ZIC3: variants seen among roughly 807,000 people sequenced by gnomAD.
ZIC3 encodes Zic family zinc finger 3, also known as zinc finger protein ZIC 3.
A neutral mutation model predicts 18.3 loss-of-function variants in ZIC3; 6 were observed. The observed-to-expected ratio is 0.33, with a 90% confidence interval of 0.18 to 0.65. ZIC3 has a LOEUF of 0.65. Among genes scored for constraint, ZIC3 ranks in the 30% least tolerant of loss-of-function variants. ZIC3 has a pLI of 0.75. For missense variants in ZIC3, 260 were observed against 410.0 expected (o/e 0.63, Z 3.16); for synonymous variants, 175 against 177.0 (o/e 0.99, Z 0.09).
rs1302873601 is a variant in ZIC3 at position 137,567,132 on chromosome X, G to A, written c.441G>A (p.Leu147=). ...TCTTCGCCGGCTCGGCGAGCAGCCT[G>A]CATGCTCCAGCTGGCATCCCCGAGC... ...HGLFAGSASS[L]HAPAGIPEPP... is the part of the protein sequence containing the mutation. Residue 147 remains leucine, a synonymous_variant, in exon 1 of 3, where the codon CTG becomes CTA. Coordinates refer to ENST00000287538, the MANE Select transcript of ZIC3 (RefSeq NM_003413.4). The A allele has an allele frequency of 1.7e-6, 2 of 1,206,616 alleles. No homozygotes were observed. The highest frequency in any genetic ancestry group is 3.5e-5 in the South Asian group (2 of 56,651).
At chrX:137,575,039 C>T (rs193081638), downstream of ZIC3, among the ~76,000 whole-genome samples, 1 of 111,717 alleles carries the variant, frequency 9.0e-6, no homozygotes, top group Non-Finnish European at 1.9e-5. Flanking sequence ...CCACCTGGCC[C>T]GACCTAAAAC....
intron 2 of ZIC3, among the ~76,000 whole-genome samples, chrX:137,569,662 T>C (rs1474444233): frequency 8.9e-6 from 1 of 112,149 alleles, no homozygotes; most frequent in Non-Finnish European, 1.9e-5. Context: ...CAAAACGGAA[T>C]GCTTTATTCC....
downstream of ZIC3, among the ~76,000 whole-genome samples, chrX:137,574,309 G>C (rs1263425721): frequency 1.8e-5 from 2 of 113,691 alleles, no homozygotes; most frequent in East Asian, 5.6e-4. Context: ...TGGGATAGAG[G>C]GGGCGGCGAG....
chrX:137,573,634 GA>G (rs767549415), downstream of ZIC3: 7 of 112,862 alleles, frequency 6.2e-5, no homozygotes, highest in Admixed American at 3.7e-4. Context: ...TAAGTTTGTG[GA>G]AGAATCGCCA....
exon 3 of ZIC3, chrX:137,577,152 C>A: frequency 1.9e-6 from 1 of 524,684 alleles, no homozygotes; most frequent in Non-Finnish European, 3.5e-6. Flanking sequence ...GGGACAGTCT[C>A]TAATTCCTGA....
At chrX:137,567,870 G>C in intron 1 of ZIC3, 119 bp downstream of exon 1, 1 of 1,138,490 alleles carries the variant, frequency 8.8e-7, no homozygotes, top group Non-Finnish European at 1.2e-6. Flanking sequence ...CGCAACGGCC[G>C]CTCGAAAAAG....
At chrX:137,573,051 A>AT (rs1275039610), downstream of ZIC3, among the ~76,000 whole-genome samples, 1 of 100,082 alleles carries the variant, frequency 1.0e-5, no homozygotes, top group African/African-American at 3.7e-5. Context: ...CTTTTCACAG[A>AT]TTTCCCCCCT....
chrX:137,573,979 G>A (rs1931477140), downstream of ZIC3: 1 of 113,288 alleles, frequency 8.8e-6, no homozygotes, highest in Non-Finnish European at 1.9e-5. Flanking sequence ...GGCCCTTGGC[G>A]GCCGTAAGCC....
intron 1 of ZIC3, 126 bp from the exon 2 acceptor site, chrX:137,568,776 G>C: frequency 1.3e-6 from 1 of 775,579 alleles, no homozygotes; most frequent in Non-Finnish European, 1.9e-6. Flanking sequence ...AATAGATGCA[G>C]CAGCAGCCCC....
Position 137,567,544 on chromosome X carries a change from G to A in ZIC3, c.853G>A (p.Glu285Lys). 8.2e-7 allele frequency: 1 copy of A among 1,212,361 alleles called. No homozygotes were observed. Among genetic ancestry groups the A allele is most frequent in the Non-Finnish European group, 1.1e-6 (1 of 895,669 alleles). The change falls in exon 1 of 3, where the codon GAG becomes AAG. Residue 285 changes from glutamate to lysine, a missense_variant. This residue lies in a region of ZIC3 where 25 missense variants were observed against 58.6 expected (regional missense o/e 0.43). Transcript: ENST00000287538. ...TGAGCTGGTGACACATGTCACCATGGAGCATGTGGGGGGCCCGGAGCAGAA... is the reference window on the plus strand; with the variant it reads ...TGAGCTGGTGACACATGTCACCATGAAGCATGTGGGGGGCCCGGAGCAGAA... ...MHELVTHVTM[E>K]HVGGPEQNNH...
downstream of ZIC3, among the ~76,000 whole-genome samples, chrX:137,573,153 A>C (rs962720730): frequency 1.6e-5 from 1 of 63,690 alleles, no homozygotes. Flanking sequence ...AAAAAAAAAA[A>C]AAAAAAACCA....
chrX:137,567,217 A>G lies in ZIC3; in HGVS notation c.526A>G (p.Thr176Ala), dbSNP rs771154908. 1 of 1,210,101 alleles carries G rather than the reference A, an allele frequency of 8.3e-7. No individual in the cohort carries two copies. Among genetic ancestry groups the G allele is most frequent in the Non-Finnish European group, 1.1e-6 (1 of 894,757 alleles). ...GCAGGGCGCTGGGCACCCGTCGCCC[A>G]CAGGGCACGTGGACAACAACCAGGT... is the stretch of plus-strand genomic sequence containing the variant. ...HEQGAGHPSP[T>A]GHVDNNQVHL... The change falls in exon 1 of 3, where the codon ACA becomes GCA. Residue 176 changes from threonine to alanine, a missense_variant. This residue lies in a region of ZIC3 where 183 missense variants were observed against 223.8 expected (regional missense o/e 0.82). Coordinates refer to ENST00000287538, the MANE Select transcript of ZIC3 (RefSeq NM_003413.4).
At position 137,567,068 on chromosome X, in the gene ZIC3, G is replaced by T. The variant is rs1444804206; in HGVS notation, c.377G>T (p.Gly126Val). 8.5e-7 allele frequency: 1 copy of T among 1,182,954 alleles called. No homozygotes were observed. The change falls in exon 1 of 3, where the codon GGG becomes GTG. Residue 126 changes from glycine to valine, a missense_variant. Around this residue, in one of 4 missense-constraint regions of ZIC3, gnomAD observed 183 missense variants for 223.8 expected, o/e 0.82. Coordinates refer to ENST00000287538, the MANE Select transcript of ZIC3 (RefSeq NM_003413.4). ...TTTCTGTTCCGCCAGCGCAGCTCCGGGCTCAGTGAGGCGGCCTCGGGTGGC... is the reference window on the plus strand; with the variant it reads ...TTTCTGTTCCGCCAGCGCAGCTCCGTGCTCAGTGAGGCGGCCTCGGGTGGC... ...REFLFRQRSS[G>V]LSEAASGGGQ...
chrX:137,572,266 A>G (rs991691782), downstream of ZIC3, among the ~76,000 whole-genome samples: 1 of 112,569 alleles, frequency 8.9e-6, no homozygotes, highest in Non-Finnish European at 1.9e-5. Flanking sequence ...ACAATTAGTT[A>G]TTGACAGTTT....
downstream of ZIC3, among the ~76,000 whole-genome samples, chrX:137,573,281 T>C (rs943068292): frequency 2.7e-5 from 3 of 111,603 alleles, no homozygotes; most frequent in African/African-American, 9.8e-5. Flanking sequence ...TTTTTCAAAA[T>C]GAGTGATTTT....
chrX:137,576,518 T>C (rs1931516274), downstream of ZIC3, among the ~76,000 whole-genome samples: 1 of 112,061 alleles, frequency 8.9e-6, no homozygotes, highest in South Asian at 3.7e-4. Context: ...GGTAGAGCTC[T>C]TGTATTTGTT....
In ZIC3 at chrX:137,570,233, G is replaced by A. The variant is rs1394701846; in HGVS notation, c.*163G>A. The A allele has an allele frequency of 2.3e-5, 14 of 597,682 alleles. No homozygotes were observed. The highest frequency in any genetic ancestry group is 3.2e-5 in the Non-Finnish European group (12 of 372,824). 49.3% of individuals were successfully genotyped at this position (597,682 alleles called of 1,213,427 possible). ...GGAAGGTTTTGGGCAAGATCCAAAA[G>A]TAGCCATGCCCTTTTCTCAGGATAG... On this transcript the variant is annotated 3_prime_UTR_variant, in exon 3 of 3. Transcript: ENST00000287538.
At chrX:137,574,778 C>A (rs1402270170), downstream of ZIC3, among the ~76,000 whole-genome samples, 1 of 112,871 alleles carries the variant, frequency 8.9e-6, no homozygotes, top group South Asian at 3.6e-4. Flanking sequence ...CGGCCGGATG[C>A]GAACCCCCGC....
exon 3 of ZIC3, chrX:137,577,499 G>A (rs1931527247): frequency 3.9e-6 from 1 of 258,796 alleles, no homozygotes; most frequent in African/African-American, 2.8e-5. Flanking sequence ...TCATAACCCA[G>A]TATGCATTAT....
Sources: allele counts gnomAD v4.1 joint callset (sites outside exome capture counted in the v4.1 genomes callset), GRCh38; gene constraint gnomAD v4.1.1; regional missense constraint gnomAD v4.1.1; transcripts MANE v1.5; gene names NCBI Gene and HGNC (gene_info 2026-07-23, HGNC 2026-07-21).